The following GRM8 variants were observed in gnomAD, a reference collection of about 807,000 sequenced individuals.
The protein encoded by GRM8 is metabotropic glutamate receptor 8.
GRM8 carries 47 observed loss-of-function variants against 87.2 expected under a neutral mutation model. The ratio of observed to expected loss-of-function variants is 0.54; its 90% CI spans 0.43 to 0.69. GRM8 has a LOEUF of 0.69. Ranked by LOEUF, GRM8 falls within the 30% of genes least tolerant of loss-of-function variation. The pLI, the probability that GRM8 is intolerant of heterozygous loss-of-function variation, is 0.00. For synonymous variants in GRM8, 396 were observed against 404.5 expected, an observed-to-expected ratio of 0.98 and a Z score of 0.25; for missense variants, 1,019 against 1,139.2, an observed-to-expected ratio of 0.89 and a Z score of 1.52.
At chr7:126,984,601 G>T (rs1434352284) in intron 3 of GRM8, among the ~76,000 whole-genome samples, 1 of 152,170 alleles carries the variant, frequency 6.6e-6, no homozygotes, top group Non-Finnish European at 1.5e-5. Context: ...TCAGCTTGCA[G>T]ACAGCCTATT....
chr7:126,985,190 C>T (rs370804303), intron 3 of GRM8, among the ~76,000 whole-genome samples: 1 of 152,146 alleles, frequency 6.6e-6, no homozygotes, highest in East Asian at 1.9e-4. Context: ...TTGTCACGTG[C>T]ATGAAGCCCA....
intron 3 of GRM8, among the ~76,000 whole-genome samples, chr7:126,958,607 G>A (rs1329321923): frequency 6.6e-6 from 1 of 152,164 alleles, no homozygotes; most frequent in Admixed American, 6.5e-5. Flanking sequence ...CTTAGCAGGT[G>A]TGGGATCCAG....
rs144780672 is a variant in GRM8 at position 126,668,233 on chromosome 7, A to G, written c.1358-58735T>C. On this transcript the variant is annotated intron_variant, in intron 7 of 10. Coordinates refer to ENST00000339582, the MANE Select transcript of GRM8 (RefSeq NM_000845.3). Reference sequence around the variant, plus strand: ...CATCCATTAAAACCCTACTTTACTCACCATTCAAACTGTTTGTGAGCCTAA... The same window carrying G: ...CATCCATTAAAACCCTACTTTACTCGCCATTCAAACTGTTTGTGAGCCTAA... Among the ~76,000 whole-genome samples the G allele has an allele frequency of 6.1e-3, 930 of 151,890 alleles. 14 individuals carry two copies. The highest frequency in any genetic ancestry group is 0.021 in the African/African-American group (872 of 41,388).
chr7:126,651,419 C>T (rs180883624), intron 7 of GRM8, among the ~76,000 whole-genome samples: 12 of 152,282 alleles, frequency 7.9e-5, no homozygotes, highest in Admixed American at 2.0e-4. Flanking sequence ...TGCTCTGAAT[C>T]GGCGTCCTAT....
intron 3 of GRM8, among the ~76,000 whole-genome samples, chr7:127,061,794 A>G (rs1820617482): frequency 6.6e-6 from 1 of 152,174 alleles, no homozygotes; most frequent in South Asian, 2.1e-4. Context: ...TAAAGTTGGG[A>G]AGGATACTTT....
intron 7 of GRM8, among the ~76,000 whole-genome samples, chr7:126,682,579 G>A (rs1186999856): frequency 6.6e-6 from 1 of 152,152 alleles, no homozygotes; most frequent in East Asian, 1.9e-4. Flanking sequence ...AAGAATGGTC[G>A]GCACTGTTTT....
chr7:126,843,314 A>G (rs1796438889), intron 6 of GRM8, among the ~76,000 whole-genome samples: 1 of 150,508 alleles, frequency 6.6e-6, no homozygotes, highest in Non-Finnish European at 1.5e-5. Context: ...TATAAAGTAG[A>G]AAAAAAAACT....
chr7:127,022,957 C>T lies in GRM8; in HGVS notation c.727+83539G>A, dbSNP rs149802894. Reference sequence around the variant, plus strand: ...AATACCTAGCAAGATGCTCAATTGACGGTAGTAACATAATAAATTAGAGTA... The same window carrying T: ...AATACCTAGCAAGATGCTCAATTGATGGTAGTAACATAATAAATTAGAGTA... On this transcript the variant is annotated intron_variant, in intron 3 of 10. Coordinates refer to ENST00000339582, the MANE Select transcript of GRM8 (RefSeq NM_000845.3). 1.2e-3 allele frequency among the ~76,000 whole-genome samples: 188 copies of T among 152,088 alleles called. No individual in the cohort carries two copies. The Middle Eastern group carries it at 0.017, about 14-fold the overall frequency.
At chr7:126,877,443 C>T (rs1299855145) in intron 6 of GRM8, among the ~76,000 whole-genome samples, 1 of 152,210 alleles carries the variant, frequency 6.6e-6, no homozygotes, top group African/African-American at 2.4e-5. Flanking sequence ...ACACTATCCA[C>T]ATGTCAAGTG....
chr7:126,728,013 A>G (rs1052019480), intron 7 of GRM8, among the ~76,000 whole-genome samples: 5 of 152,198 alleles, frequency 3.3e-5, no homozygotes, highest in African/African-American at 1.2e-4. Context: ...TAAGCCCTAT[A>G]GACACAAAAG....
chr7:126,794,166 AAAAT>A (rs1006081334), intron 6 of GRM8, among the ~76,000 whole-genome samples: 7 of 151,866 alleles, frequency 4.6e-5, no homozygotes, highest in African/African-American at 1.5e-4. Context: ...CATAAAAAAT[AAAAT>A]AAAAAAAAAA....
chr7:127,115,098 G>A (rs1826623347), intron 2 of GRM8, among the ~76,000 whole-genome samples: 1 of 152,068 alleles, frequency 6.6e-6, no homozygotes, highest in Non-Finnish European at 1.5e-5. Context: ...ACCTCAAAAG[G>A]AAATTGCATT....
chr7:127,095,311 T>G (rs1563502248), intron 3 of GRM8, among the ~76,000 whole-genome samples: 1 of 152,088 alleles, frequency 6.6e-6, no homozygotes, highest in Non-Finnish European at 1.5e-5. Context: ...TGATGCTGGG[T>G]GGAAGCTGTT....
chr7:127,087,636 C>T (rs2299530), intron 3 of GRM8, among the ~76,000 whole-genome samples: 23,144 of 152,130 alleles, frequency 0.15, 2,007 homozygotes, highest in East Asian at 0.2. Flanking sequence ...AATGGGCAAA[C>T]AGTTTCAGTC....
rs772324014 is a variant in GRM8, at chr7:127,106,567, G to A, written c.656C>T (p.Ser219Leu). 149 of 1,614,060 alleles carry A rather than the reference G, an allele frequency of 9.2e-5. No homozygotes were observed. The highest frequency in any genetic ancestry group is 1.0e-4 in the Non-Finnish European group (122 of 1,179,994). ...ATAGTTCCCCTCAGAAGCCAGTGTCGAAACATAATTCCATCCCAGTGCTGT... is the reference window on the plus strand; with the variant it reads ...ATAGTTCCCCTCAGAAGCCAGTGTCAAAACATAATTCCATCCCAGTGCTGT... ...IVTALGWNYV[S>L]TLASEGNYGE... is the part of the protein sequence containing the mutation. The change falls in exon 3 of 11, where the codon TCG becomes TTG. Residue 219 changes from serine (S) to leucine (L), a missense_variant. By Grantham distance (145) the Ser-to-Leu change is moderately radical (BLOSUM62 -2). Transcript: ENST00000339582.
chr7:126,603,965 T>C (rs148836520), intron 8 of GRM8, among the ~76,000 whole-genome samples: 2 of 150,954 alleles, frequency 1.3e-5, no homozygotes, highest in African/African-American at 4.9e-5. Flanking sequence ...TGTTCCTCTA[T>C]GAAATTAATG....
At chr7:126,997,916 G>A (rs933010411) in intron 3 of GRM8, among the ~76,000 whole-genome samples, 5 of 151,564 alleles carry the variant, frequency 3.3e-5, no homozygotes, top group Non-Finnish European at 7.4e-5. Flanking sequence ...AAATACTTCC[G>A]AATTCATTCT....
At position 126,974,482 on chromosome 7, in the gene GRM8, A is replaced by C. The variant is rs540913744; in HGVS notation, c.728-69799T>G. 3.9e-5 allele frequency among the ~76,000 whole-genome samples: 6 copies of C among 152,352 alleles called. No individual in the cohort carries two copies. In the East Asian group the frequency reaches 1.2e-3, roughly 29 times the overall value. ...ATATGCACAATAAAATTTATCTTAA[A>C]AAAGTTTGATCAAACTAATGTAAAG... On this transcript the variant is annotated intron_variant, in intron 3 of 10. Coordinates refer to ENST00000339582, the MANE Select transcript of GRM8 (RefSeq NM_000845.3).
intron 6 of GRM8, among the ~76,000 whole-genome samples, chr7:126,881,790 G>A (rs1243128320): frequency 6.6e-6 from 1 of 152,086 alleles, no homozygotes; most frequent in Non-Finnish European, 1.5e-5. Flanking sequence ...AATAGTCCTG[G>A]ACATCCAATG....
Sources: gnomAD v4.1 joint callset for allele counts (sites outside exome capture counted in the v4.1 genomes callset) on GRCh38, gnomAD v4.1.1 for gene constraint, MANE v1.5 for transcripts, NCBI Gene and HGNC (gene_info 2026-07-23, HGNC 2026-07-21) for gene names.